The following MBD5 variants were observed in gnomAD, a reference collection of about 807,000 sequenced individuals.
MBD5 encodes methyl-CpG-binding domain protein 5.
Under a neutral mutation model 117.3 loss-of-function variants are expected in MBD5, and 13 were observed. That is an observed-to-expected ratio of 0.11 (90% confidence interval 0.07 to 0.18). The LOEUF is 0.18. Among genes scored for constraint, MBD5 ranks in the 10% least tolerant of loss-of-function variants. The pLI, the probability that MBD5 is intolerant of heterozygous loss-of-function variation, is 1.00. For missense variants in MBD5, 1,879 were observed against 2,093.8 expected (o/e 0.90, Z 2.00); for synonymous variants, 727 against 766.4 (o/e 0.95, Z 0.85).
chr2:148,488,851 C>T (rs1681422755), intron 10 of MBD5, among the ~76,000 whole-genome samples: 1 of 152,096 alleles, frequency 6.6e-6, no homozygotes, highest in Non-Finnish European at 1.5e-5. Context: ...GGTTGAGGAG[C>T]AGGTATTACT....
rs551602221 is a variant in MBD5 at position 148,355,645 on chromosome 2, G to A, written c.-557+13309G>A. The stretch of plus-strand genomic sequence containing the variant: ...TTCTGTTCCATTGGTCTATATATCT[G>A]TTTTGGTACCAGTACCATGCTGTTT... On this transcript the variant is annotated intron_variant, in intron 4 of 13. Coordinates refer to ENST00000642680, the MANE Select transcript of MBD5 (RefSeq NM_001378120.1). Among the ~76,000 whole-genome samples, 4 of 152,210 alleles carry A rather than the reference G, an allele frequency of 2.6e-5. No individual in the cohort carries two copies. In the South Asian group the frequency reaches 8.3e-4, roughly 32 times the overall value.
chr2:148,420,918 A>G (rs1705582743), intron 4 of MBD5, among the ~76,000 whole-genome samples: 1 of 152,058 alleles, frequency 6.6e-6, no homozygotes, highest in Non-Finnish European at 1.5e-5. Context: ...TGGTAGTGAC[A>G]GGGTTTTGCC....
chr2:148,403,108 T>C (rs758100311), intron 4 of MBD5, among the ~76,000 whole-genome samples: 6 of 152,178 alleles, frequency 3.9e-5, no homozygotes, highest in Non-Finnish European at 8.8e-5. Flanking sequence ...ATTTGGCTCT[T>C]TTTAAAAATA....
At chr2:148,253,426 A>T (rs1700510934) in intron 3 of MBD5, among the ~76,000 whole-genome samples, 1 of 152,190 alleles carries the variant, frequency 6.6e-6, no homozygotes. Flanking sequence ...TATATATGAC[A>T]AATGCTATAA....
chr2:148,282,896 ACC>A (rs1491212163), intron 3 of MBD5, among the ~76,000 whole-genome samples: 1 of 74,202 alleles, frequency 1.3e-5, no homozygotes, highest in Non-Finnish European at 2.9e-5. Context: ...TTAAGACTTA[ACC>A]GCCCCCCCCC....
chr2:148,355,667 G>A (rs1486697516), intron 4 of MBD5, among the ~76,000 whole-genome samples: 3 of 152,128 alleles, frequency 2.0e-5, no homozygotes, highest in Admixed American at 2.0e-4. Flanking sequence ...GTACCATGCT[G>A]TTTTCATTAC....
intron 4 of MBD5, among the ~76,000 whole-genome samples, chr2:148,370,495 A>G (rs1174575835): frequency 6.6e-6 from 1 of 151,962 alleles, no homozygotes; most frequent in African/African-American, 2.4e-5. Context: ...TTATTTATTT[A>G]TTTATTATTT....
intron 4 of MBD5, among the ~76,000 whole-genome samples, chr2:148,418,425 A>C (rs1188419581): frequency 1.3e-5 from 2 of 152,174 alleles, no homozygotes; most frequent in Non-Finnish European, 2.9e-5. Context: ...GAGGAAGTTA[A>C]ACTAACTCTG....
intron 1 of MBD5, among the ~76,000 whole-genome samples, chr2:148,049,344 G>T (rs906834953): frequency 1.3e-5 from 2 of 152,152 alleles, no homozygotes; most frequent in African/African-American, 4.8e-5. Flanking sequence ...ATGGAAATCT[G>T]TCAGTGGGAG....
chr2:148,206,879 GGC>G (rs1402166038), intron 2 of MBD5, among the ~76,000 whole-genome samples: 1 of 152,128 alleles, frequency 6.6e-6, no homozygotes, highest in Non-Finnish European at 1.5e-5. Flanking sequence ...TAAATAGCAT[GGC>G]ATCAATAATT....
At chr2:148,042,925 C>T (rs1488461263) in intron 1 of MBD5, among the ~76,000 whole-genome samples, 2 of 151,998 alleles carry the variant, frequency 1.3e-5, no homozygotes, top group African/African-American at 2.4e-5. Flanking sequence ...TTTTTTAGGT[C>T]TTAGCTCCCT....
chr2:148,403,327 G>A (rs746283286), intron 4 of MBD5, among the ~76,000 whole-genome samples: 11 of 151,812 alleles, frequency 7.2e-5, no homozygotes, highest in South Asian at 2.1e-4. Context: ...TTACAGGCAC[G>A]CACCACCACA....
chr2:148,393,034 T>C (rs1192916705), intron 4 of MBD5, among the ~76,000 whole-genome samples: 1 of 152,184 alleles, frequency 6.6e-6, no homozygotes, highest in Non-Finnish European at 1.5e-5. Context: ...TACAGTATAT[T>C]TCTTTTCTGC....
rs35925701 is a variant in MBD5 at position 148,060,132 on chromosome 2, CAAAAAAAAAAAAAAA to C, written c.-925+38464_-925+38478del. The stretch of plus-strand genomic sequence containing the variant: ...TGAAACCCTGTCTCTACAAAAAGTG[CAAAAAAAAAAAAAAA>C]AAAAAAAAAAAAAAAGCCAGGCATG... On this transcript the variant is annotated intron_variant, in intron 1 of 13. Coordinates refer to ENST00000642680, the MANE Select transcript of MBD5 (RefSeq NM_001378120.1). 7.8e-4 allele frequency among the ~76,000 whole-genome samples: 11 copies of C among 14,044 alleles called. 1 individual carries two copies. In the East Asian group the frequency reaches 0.013, roughly 17 times the overall value. The allele number at this position is 14,044 out of a possible 152,430, so 9.2% of individuals were successfully genotyped here.
At chr2:148,433,306 G>A (rs1177865878) in intron 4 of MBD5, among the ~76,000 whole-genome samples, 1 of 152,096 alleles carries the variant, frequency 6.6e-6, no homozygotes, top group African/African-American at 2.4e-5. Context: ...GCAAACAGGG[G>A]TAGTTTGACT....
chr2:148,206,968 C>T (rs1373354852), intron 2 of MBD5, among the ~76,000 whole-genome samples: 1 of 152,130 alleles, frequency 6.6e-6, no homozygotes, highest in Non-Finnish European at 1.5e-5. Flanking sequence ...TTTGCAAAAC[C>T]AAATTACAAG....
At chr2:148,029,581 A>G (rs1370390653) in intron 1 of MBD5, among the ~76,000 whole-genome samples, 1 of 152,086 alleles carries the variant, frequency 6.6e-6, no homozygotes, top group East Asian at 1.9e-4. Flanking sequence ...ATTGTTTTAG[A>G]AGGGTTTTTT....
intron 1 of MBD5, among the ~76,000 whole-genome samples, chr2:148,045,500 A>G (rs1179395106): frequency 6.6e-6 from 1 of 152,230 alleles, no homozygotes; most frequent in African/African-American, 2.4e-5. Context: ...TATGCCAGAC[A>G]TAGATATAGA....
At chr2:148,160,073 A>C (rs1697969779) in intron 1 of MBD5, among the ~76,000 whole-genome samples, 1 of 152,188 alleles carries the variant, frequency 6.6e-6, no homozygotes, top group Non-Finnish European at 1.5e-5. Flanking sequence ...GGGGTTTTCT[A>C]GACATATAGA....
Sources: gnomAD v4.1 joint callset for allele counts (sites outside exome capture counted in the v4.1 genomes callset) on GRCh38, gnomAD v4.1.1 for gene constraint, MANE v1.5 for transcripts, NCBI Gene and HGNC (gene_info 2026-07-23, HGNC 2026-07-21) for gene names.